The following TRABD2B variants were observed in gnomAD, a reference collection of about 807,000 sequenced individuals.
TRABD2B encodes the protein metalloprotease TIKI2.
In TRABD2B, 14 loss-of-function variants were observed where a neutral mutation model predicts 40.1. The observed-to-expected ratio is 0.35, with a 90% CI of 0.23 to 0.55. The LOEUF is 0.55. TRABD2B is among the 20% of genes least tolerant of loss of function. The probability of loss-of-function intolerance (pLI) is 0.90; values close to 1 mark genes in which losing one functional copy is unlikely to be tolerated. For missense variants in TRABD2B, 541 were observed against 648.6 expected, an observed-to-expected ratio of 0.83 and a Z score of 1.80; for synonymous variants, 263 against 277.0, an observed-to-expected ratio of 0.95 and a Z score of 0.50.
At chr1:47,906,712 C>T (rs887760698) in intron 2 of TRABD2B, among the ~76,000 whole-genome samples, 1 of 152,222 alleles carries the variant, frequency 6.6e-6, no homozygotes, top group Non-Finnish European at 1.5e-5. Flanking sequence ...CACAGCTGCC[C>T]CTGCAGTTCA....
intron 2 of TRABD2B, among the ~76,000 whole-genome samples, chr1:47,965,749 T>A (rs1645592988): frequency 6.6e-6 from 1 of 152,042 alleles, no homozygotes; most frequent in South Asian, 2.1e-4. Context: ...CTATGTTGAG[T>A]CTCTTCTACT....
intron 3 of TRABD2B, among the ~76,000 whole-genome samples, chr1:47,800,826 A>T (rs1182556418): frequency 1.3e-5 from 2 of 152,200 alleles, no homozygotes; most frequent in Admixed American, 1.3e-4. Flanking sequence ...AAGCTTGAAA[A>T]GACAAGGTAC....
chr1:47,981,524 AAGGGCTC>A (rs1228227483), intron 2 of TRABD2B, among the ~76,000 whole-genome samples: 1 of 152,014 alleles, frequency 6.6e-6, no homozygotes, highest in African/African-American at 2.4e-5. Flanking sequence ...AGTGCACATA[AAGGGCTC>A]AGAATCATTC....
At chr1:47,982,950 G>A (rs1053155591) in intron 2 of TRABD2B, among the ~76,000 whole-genome samples, 4 of 152,112 alleles carry the variant, frequency 2.6e-5, no homozygotes, top group African/African-American at 7.2e-5. Flanking sequence ...CTCACCATGC[G>A]GGTTCTGTAG....
intron 2 of TRABD2B, among the ~76,000 whole-genome samples, chr1:47,868,921 G>T (rs768847344): frequency 6.6e-6 from 1 of 152,176 alleles, no homozygotes; most frequent in African/African-American, 2.4e-5. Context: ...GTAAACTGGA[G>T]ACTCTTCATC....
intron 2 of TRABD2B, 96 bp downstream of exon 2, chr1:47,993,938 C>G (rs914880204): frequency 7.8e-7 from 1 of 1,286,326 alleles, no homozygotes; most frequent in Non-Finnish European, 1.0e-6. Context: ...CTGACTCTGG[C>G]TGCCTCCCCC....
chr1:47,843,663 TGAG>T (rs1645429756), intron 2 of TRABD2B, among the ~76,000 whole-genome samples: 1 of 151,980 alleles, frequency 6.6e-6, no homozygotes, highest in Admixed American at 6.6e-5. Context: ...GTCAGGGGCA[TGAG>T]GAGGAACCAG....
At chr1:47,773,538 A>C (rs928197304) in intron 6 of TRABD2B, among the ~76,000 whole-genome samples, 5 of 152,230 alleles carry the variant, frequency 3.3e-5, no homozygotes, top group African/African-American at 4.8e-5. Flanking sequence ...TTCTTGTGGC[A>C]GTGAATAAGT....
intron 2 of TRABD2B, among the ~76,000 whole-genome samples, chr1:47,928,512 G>A (rs189998665): frequency 7.9e-5 from 12 of 152,238 alleles, no homozygotes; most frequent in Admixed American, 3.3e-4. Flanking sequence ...ATGATTATTG[G>A]GCCCAAGAAT....
At chr1:47,841,526 C>T (rs1000799742) in intron 2 of TRABD2B, among the ~76,000 whole-genome samples, 1 of 152,224 alleles carries the variant, frequency 6.6e-6, no homozygotes, top group African/African-American at 2.4e-5. Flanking sequence ...ACTTGCCAGG[C>T]TCTCTGGGAG....
chr1:47,824,391 C>T (rs568779646), intron 2 of TRABD2B, among the ~76,000 whole-genome samples: 1 of 152,318 alleles, frequency 6.6e-6, no homozygotes, highest in South Asian at 2.1e-4. Flanking sequence ...CTGACGCCCA[C>T]CTACTGACCA....
chr1:47,992,197 T>C (rs74649091), intron 2 of TRABD2B, among the ~76,000 whole-genome samples: 6,803 of 152,216 alleles, frequency 0.045, 214 homozygotes, highest in East Asian at 0.1. Context: ...GGGCACATTT[T>C]TGAAATAGAA....
rs572297630 is a variant in TRABD2B at position 47,766,142 on chromosome 1, G to A, written c.1350-36C>T. The A allele has an allele frequency of 6.6e-4, 461 of 700,754 alleles. 2 individuals carry two copies. Among genetic ancestry groups the A allele is most frequent in the South Asian group, 6.4e-3 (428 of 67,376 alleles). The allele number at this position is 700,754 out of a possible 1,614,324, so 43.4% of individuals were successfully genotyped here. On this transcript the variant is annotated intron_variant, in intron 6 of 6. Coordinates refer to ENST00000606738, the MANE Select transcript of TRABD2B (RefSeq NM_001194986.2). ...GGAAGCACATGGCAGAGTCACCATC[G>A]GCAGCCTCGTCCTGGGCAGAAGCCT...
intron 2 of TRABD2B, among the ~76,000 whole-genome samples, chr1:47,937,807 T>C (rs1162624979): frequency 2.0e-5 from 3 of 152,162 alleles, no homozygotes; most frequent in Non-Finnish European, 2.9e-5. Flanking sequence ...CTTCAGCTCA[T>C]ACCACCTGCA....
At chr1:47,789,475 G>A (rs1335384616) in intron 4 of TRABD2B, among the ~76,000 whole-genome samples, 1 of 152,112 alleles carries the variant, frequency 6.6e-6, no homozygotes, top group Admixed American at 6.5e-5. Flanking sequence ...TAACGTTCCA[G>A]GCAGGTGCTA....
At chr1:47,802,180 C>T (rs578163345) in intron 2 of TRABD2B, among the ~76,000 whole-genome samples, 27 of 152,324 alleles carry the variant, frequency 1.8e-4, no homozygotes, top group African/African-American at 6.0e-4. Flanking sequence ...CCTCTGTCCT[C>T]GGGGCCACCG....
intron 2 of TRABD2B, among the ~76,000 whole-genome samples, chr1:47,912,302 A>G (rs1163983821): frequency 6.6e-6 from 1 of 152,268 alleles, no homozygotes; most frequent in Non-Finnish European, 1.5e-5. Context: ...AAACTAATCT[A>G]GTTAGCTAGA....
intron 2 of TRABD2B, among the ~76,000 whole-genome samples, chr1:47,863,455 T>C (rs1461179382): frequency 4.1e-5 from 6 of 144,604 alleles, no homozygotes; most frequent in Admixed American, 3.5e-4. Flanking sequence ...AAGACCTTAA[T>C]AGACTACTCA....
At chr1:47,786,467 C>T (rs1644597209) in intron 4 of TRABD2B, among the ~76,000 whole-genome samples, 1 of 152,230 alleles carries the variant, frequency 6.6e-6, no homozygotes, top group African/African-American at 2.4e-5. Context: ...GGATGTTCCT[C>T]TGGCTGGCTG....
Sources: gnomAD v4.1 joint callset for allele counts (sites outside exome capture counted in the v4.1 genomes callset) on GRCh38, gnomAD v4.1.1 for gene constraint, MANE v1.5 for transcripts, NCBI Gene and HGNC (gene_info 2026-07-23, HGNC 2026-07-21) for gene names.